The following DIS3L2 variants were observed in gnomAD, a reference collection of about 807,000 sequenced individuals.
The protein encoded by DIS3L2 is DIS3-like exonuclease 2.
Under a neutral mutation model 97.5 loss-of-function variants are expected in DIS3L2, and 34 were observed. The observed-to-expected ratio is 0.35, with a 90% CI of 0.27 to 0.46. The LOEUF (loss-of-function observed/expected upper bound fraction) is 0.46, where lower values mean the gene tolerates loss of function less well. DIS3L2 is among the 20% of genes least tolerant of loss of function. The pLI, the probability that DIS3L2 is intolerant of heterozygous loss-of-function variation, is 1.00. For synonymous variants in DIS3L2, 435 were observed against 445.2 expected (o/e 0.98, Z 0.29); for missense variants, 1,038 against 1,146.0 (o/e 0.91, Z 1.36).
intron 9 of DIS3L2, among the ~76,000 whole-genome samples, chr2:232,204,777 C>T (rs539515069): frequency 1.3e-5 from 2 of 152,138 alleles, no homozygotes; most frequent in African/African-American, 2.4e-5. Flanking sequence ...CCTCCATCAC[C>T]CTCAACCCCA....
At chr2:232,274,541 G>C (rs535920829) in intron 13 of DIS3L2, among the ~76,000 whole-genome samples, 1 of 152,332 alleles carries the variant, frequency 6.6e-6, no homozygotes, top group East Asian at 1.9e-4. Flanking sequence ...TGTTCAGTGA[G>C]CTGGGGCTCT....
intron 3 of DIS3L2, among the ~76,000 whole-genome samples, chr2:232,023,974 A>G (rs1694587337): frequency 6.6e-6 from 1 of 152,250 alleles, no homozygotes; most frequent in Non-Finnish European, 1.5e-5. Flanking sequence ...GAAGACTAGC[A>G]TATAGGGGCA....
intron 6 of DIS3L2, among the ~76,000 whole-genome samples, chr2:232,120,258 C>T (rs1334562509): frequency 6.6e-6 from 1 of 152,136 alleles, no homozygotes; most frequent in Admixed American, 6.5e-5. Flanking sequence ...CCCATCAATG[C>T]CGTTTGGATT....
chr2:232,148,215 AT>A (rs1278697475), intron 8 of DIS3L2, among the ~76,000 whole-genome samples: 2 of 151,812 alleles, frequency 1.3e-5, no homozygotes, highest in Non-Finnish European at 2.9e-5. Flanking sequence ...ATGCCCAGCA[AT>A]TTTTATATTT....
At chr2:232,336,294 C>T in intron 20 of DIS3L2, 175 bp from the exon 21 acceptor site, 1 of 1,547,216 alleles carries the variant, frequency 6.5e-7, no homozygotes, top group Non-Finnish European at 8.7e-7. Context: ...GACTCCCCAA[C>T]TCTGCCCTGA....
chr2:232,331,956 G>A (rs1695749285), intron 16 of DIS3L2: 1 of 152,342 alleles, frequency 6.6e-6, no homozygotes, highest in Non-Finnish European at 1.5e-5. Flanking sequence ...CTCAGCCCCG[G>A]GAACTGGGGT....
At chr2:232,295,989 C>T (rs1404920063) in intron 13 of DIS3L2, among the ~76,000 whole-genome samples, 1 of 152,184 alleles carries the variant, frequency 6.6e-6, no homozygotes, top group African/African-American at 2.4e-5. Context: ...GGATTCTATC[C>T]AGGGCTCTCT....
At chr2:232,105,730 T>G (rs1697339274) in intron 6 of DIS3L2, among the ~76,000 whole-genome samples, 1 of 152,200 alleles carries the variant, frequency 6.6e-6, no homozygotes, top group Admixed American at 6.5e-5. Flanking sequence ...GAAACCTAAA[T>G]GAAAGGAAAT....
At chr2:232,107,282 A>C (rs1215845288) in intron 6 of DIS3L2, among the ~76,000 whole-genome samples, 1 of 152,234 alleles carries the variant, frequency 6.6e-6, no homozygotes, top group Non-Finnish European at 1.5e-5. Flanking sequence ...AGACAGAGGC[A>C]TGAAAAACCC....
Position 232,335,846 on chromosome 2 carries a change from A to T in DIS3L2, c.2468A>T (p.Glu823Val). The T allele has an allele frequency of 6.4e-7, 1 of 1,550,844 alleles. No individual in the cohort carries two copies. Among genetic ancestry groups the T allele is most frequent in the Non-Finnish European group, 8.7e-7 (1 of 1,147,044 alleles). Residue 823 changes from glutamate (E) to valine (V), a missense_variant, in exon 20 of 21, where the codon GAG (glutamate) becomes GTG (valine). Transcript: ENST00000325385. ...KPELTLVWEP[E>V]DMEQEPAQQV... ...GAACTCACGCTGGTCTGGGAGCCTG[A>T]GGACATGGAGCAGGAGCCAGCACAG...
intron 11 of DIS3L2, among the ~76,000 whole-genome samples, chr2:232,241,539 TG>T (rs1237998994): frequency 1.3e-5 from 2 of 152,258 alleles, no homozygotes; most frequent in Non-Finnish European, 2.9e-5. Context: ...AAATTCTTTT[TG>T]TTGAGATTTT....
rs1054596913 is a variant in DIS3L2 at position 232,268,590 on chromosome 2, A to G, written c.1659+5150A>G. Among the ~76,000 whole-genome samples the G allele has an allele frequency of 6.6e-6, 1 of 152,260 alleles. No individual in the cohort carries two copies. Among genetic ancestry groups the G allele is most frequent in the Non-Finnish European group, 1.5e-5 (1 of 68,046 alleles). On this transcript the variant is annotated intron_variant, in intron 13 of 20. Coordinates refer to ENST00000325385, the MANE Select transcript of DIS3L2 (RefSeq NM_152383.5). The surrounding 1 kb of genome is among the most constrained non-coding windows in gnomAD (Gnocchi z 4.1). ...GTGGCTGTGTTTCAACAAAACTTTA[A>G]GAACACTGAGATTTGAATTTTATAT...
rs773260717 is a variant in DIS3L2, at chr2:232,334,380, C to T, written c.2170C>T (p.Arg724Ter). 11 of 1,613,368 alleles carry T rather than the reference C, an allele frequency of 6.8e-6. No homozygotes were observed. The highest frequency in any genetic ancestry group is 4.5e-5 in the East Asian group (2 of 44,872). Residue 724 changes from arginine to a stop codon, truncating the protein, a stop_gained, in exon 18 of 21, where the codon CGA becomes TGA. Coordinates refer to ENST00000325385, the MANE Select transcript of DIS3L2 (RefSeq NM_152383.5). LOFTEE classifies it high-confidence loss of function. ...CCCCCTCTTCCCAGGCTATAGGGAGCGACTAGACATGGCGCCCGATACCCT... is the reference window on the plus strand; with the variant it reads ...CCCCCTCTTCCCAGGCTATAGGGAGTGACTAGACATGGCGCCCGATACCCT... ...LLAAALGYRE[R>*]LDMAPDTLQK...
chr2:232,014,377 G>A (rs900751672), intron 1 of DIS3L2, among the ~76,000 whole-genome samples: 1 of 152,172 alleles, frequency 6.6e-6, no homozygotes, highest in Non-Finnish European at 1.5e-5. Context: ...GGATTCTAAG[G>A]AATTGACTTA....
intron 13 of DIS3L2, among the ~76,000 whole-genome samples, chr2:232,294,683 T>TC (rs1694681832): frequency 1.3e-5 from 2 of 152,150 alleles, no homozygotes; most frequent in South Asian, 4.1e-4. Context: ...CACACTCCTC[T>TC]CCTTGACCTC....
chr2:232,168,156 A>G lies in DIS3L2; in HGVS notation c.1124+4524A>G, dbSNP rs1315977433. 2.6e-5 allele frequency among the ~76,000 whole-genome samples: 4 copies of G among 152,236 alleles called. No homozygotes were observed. In the East Asian group the frequency reaches 7.7e-4, roughly 29 times the overall value. ...ATCATTTTAGTCCCCAAATAATATA[A>G]CAATGGAAGTATTTCAAAACATCCA... On this transcript the variant is annotated intron_variant, in intron 9 of 20. Transcript: ENST00000325385.
intron 5 of DIS3L2, among the ~76,000 whole-genome samples, chr2:232,069,123 T>G (rs963008018): frequency 2.0e-5 from 3 of 152,164 alleles, no homozygotes; most frequent in African/African-American, 7.2e-5. Context: ...GGCCTGAGCT[T>G]ATTTTTTAGT....
At chr2:232,167,221 C>T (rs1201593693) in intron 9 of DIS3L2, among the ~76,000 whole-genome samples, 1 of 151,896 alleles carries the variant, frequency 6.6e-6, no homozygotes, top group African/African-American at 2.4e-5. Context: ...ACCACTAATG[C>T]TTGTCTTTAT....
At chr2:232,249,414 C>T in intron 12 of DIS3L2, 68 bp downstream of exon 12, 1 of 1,499,252 alleles carries the variant, frequency 6.7e-7, no homozygotes, top group Non-Finnish European at 9.1e-7. Context: ...AAGCACTCAC[C>T]ATGTGCCTGG....
Sources: allele counts gnomAD v4.1 joint callset (sites outside exome capture counted in the v4.1 genomes callset), GRCh38; gene constraint gnomAD v4.1.1; non-coding constraint Gnocchi (gnomAD v3.1); transcripts MANE v1.5; gene names NCBI Gene and HGNC (gene_info 2026-07-23, HGNC 2026-07-21).